ANKRD11: variants seen among roughly 807,000 people sequenced by gnomAD.
ANKRD11 encodes ankyrin repeat domain-containing protein 11.
In ANKRD11, 17 loss-of-function variants were observed where a neutral mutation model predicts 195.7. The observed-to-expected ratio is 0.09, with a 90% CI of 0.06 to 0.13. The LOEUF is 0.13. Among genes scored for constraint, ANKRD11 ranks in the 10% least tolerant of loss-of-function variants. The pLI, the probability that ANKRD11 is intolerant of heterozygous loss-of-function variation, is 1.00. For synonymous variants in ANKRD11, 1,953 were observed against 1,528.1 expected, an observed-to-expected ratio of 1.28 and a Z score of -6.49; for missense variants, 3,735 against 3,566.1, an observed-to-expected ratio of 1.05 and a Z score of -1.21.
chr16:89,452,305 A>G (rs2044113369), intron 1 of ANKRD11, among the ~76,000 whole-genome samples: 1 of 151,990 alleles, frequency 6.6e-6, no homozygotes, highest in South Asian at 2.1e-4. Context: ...CAGGAATTAC[A>G]GCCAAGTGCA....
Position 89,490,525 on chromosome 16 carries a change from C to T in ANKRD11, c.-425G>A. The T allele has an allele frequency of 1.1e-5, 5 of 471,346 alleles. No homozygotes were observed. The highest frequency in any genetic ancestry group is 3.6e-5 in the East Asian group (1 of 27,502). The allele number at this position is 471,346 out of a possible 1,614,324, so 29.2% of individuals were successfully genotyped here. The stretch of plus-strand genomic sequence containing the variant: ...GGCGGCGGCGCCTCCCCGGCTGGGG[C>T]CCTCGGTCCATCGCGCACCGTCTCA... On this transcript the variant is annotated 5_prime_UTR_variant, in exon 1 of 13. Transcript: ENST00000301030.
rs1597606750 is a variant in ANKRD11, at chr16:89,316,948, C to T, written c.72G>A (p.Lys24=). Residue 24 remains lysine, a synonymous_variant, in exon 3 of 13, where the codon AAG becomes AAA. Transcript: ENST00000301030. ...ELPLSSDMVE[K]QTGKKDKDKV... ...GCAGCATTACCTTTTTCCCAGTCTG[C>T]TTCTCCACCATGTCGCTGCTGAGGG... 3.1e-6 allele frequency: 5 copies of T among 1,613,746 alleles called. No individual in the cohort carries two copies. The highest frequency in any genetic ancestry group is 4.2e-6 in the Non-Finnish European group (5 of 1,179,894).
At chr16:89,381,527 A>G (rs2040655334) in intron 2 of ANKRD11, among the ~76,000 whole-genome samples, 1 of 152,214 alleles carries the variant, frequency 6.6e-6, no homozygotes, top group Non-Finnish European at 1.5e-5. Flanking sequence ...TAAGCATTCT[A>G]GTTTATAAAA....
At chr16:89,423,737 T>G (rs959189066) in intron 1 of ANKRD11, among the ~76,000 whole-genome samples, 4 of 152,222 alleles carry the variant, frequency 2.6e-5, no homozygotes, top group African/African-American at 9.6e-5. Flanking sequence ...AGCCCAGATG[T>G]GCTTCGATGG....
At chr16:89,339,068 G>A (rs1434632889) in intron 2 of ANKRD11, among the ~76,000 whole-genome samples, 2 of 152,192 alleles carry the variant, frequency 1.3e-5, no homozygotes, top group Non-Finnish European at 1.5e-5. Context: ...CAGGAGGACA[G>A]ACGTCCTGGG....
intron 1 of ANKRD11, among the ~76,000 whole-genome samples, chr16:89,430,362 A>G (rs1035555361): frequency 2.2e-4 from 31 of 143,600 alleles, no homozygotes; most frequent in South Asian, 1.2e-3. Context: ...CTCAACTCTC[A>G]CGCTCAGTCG....
At chr16:89,292,705 C>A (rs2151804272) in intron 4 of ANKRD11, among the ~76,000 whole-genome samples, 1 of 152,382 alleles carries the variant, frequency 6.6e-6, no homozygotes, top group Non-Finnish European at 1.5e-5. Context: ...AGCACTTGAG[C>A]TTTGGCCCCA....
In ANKRD11 at chr16:89,442,420, C is replaced by G. The variant is rs557079209; in HGVS notation, c.-144-24052G>C. 2.0e-4 allele frequency among the ~76,000 whole-genome samples: 31 copies of G among 152,324 alleles called. 1 individual carries two copies. Among genetic ancestry groups the G allele is most frequent in the African/African-American group, 7.5e-4 (31 of 41,576 alleles). On this transcript the variant is annotated intron_variant, in intron 1 of 12. Transcript: ENST00000301030. ...CACCTGTTTTGTAGAGACCAAGACT[C>G]TTCCTCCATTTTGGCTCAAGCTGGA...
In ANKRD11 at chr16:89,291,701, A is replaced by G. The variant is rs1364997267; in HGVS notation, c.227-518T>C. The G allele has an allele frequency of 1.6e-6, 2 of 1,289,522 alleles. No homozygotes were observed. The highest frequency in any genetic ancestry group is 1.5e-5 in the African/African-American group (1 of 65,822). The allele number at this position is 1,289,522 out of a possible 1,614,324, so 79.9% of individuals were successfully genotyped here. A position where few individuals can be genotyped will look rare whatever the true frequency, so the allele number is the denominator to read the frequency against. ...TGTACCTTTCTTCTTGCTTCTAGGA[A>G]CCTCCATCTCATGCCATGGTGCTTC... On this transcript the variant is annotated intron_variant, in intron 4 of 12. Coordinates refer to ENST00000301030, the MANE Select transcript of ANKRD11 (RefSeq NM_013275.6). This position sits in a 1 kb window ranked among gnomAD's most constrained non-coding sequence, Gnocchi z 5.3.
At chr16:89,278,927 G>A (rs2033909159) in intron 9 of ANKRD11, 145 bp downstream of exon 9, 5 of 1,313,106 alleles carry the variant, frequency 3.8e-6, no homozygotes, top group Non-Finnish European at 5.4e-6. Context: ...CAGCAGAAGT[G>A]GGGCTGTGTC....
At chr16:89,432,225 T>A (rs1039792687) in intron 1 of ANKRD11, among the ~76,000 whole-genome samples, 1 of 142,482 alleles carries the variant, frequency 7.0e-6, no homozygotes, top group Non-Finnish European at 1.5e-5. Flanking sequence ...ATGTTGTACA[T>A]CGTGATGCAG....
chr16:89,309,361 C>A (rs2036483031), intron 3 of ANKRD11, among the ~76,000 whole-genome samples: 1 of 152,180 alleles, frequency 6.6e-6, no homozygotes, highest in South Asian at 2.1e-4. Flanking sequence ...GAAGTCAGGG[C>A]AGAGGTGACT....
At chr16:89,386,120 A>G (rs1161778199) in intron 2 of ANKRD11, among the ~76,000 whole-genome samples, 2 of 152,250 alleles carry the variant, frequency 1.3e-5, no homozygotes, top group Non-Finnish European at 2.9e-5. Context: ...TTCGTTTTTA[A>G]GTAAAGTCAT....
intron 1 of ANKRD11, among the ~76,000 whole-genome samples, chr16:89,438,342 CAG>C (rs1178940962): frequency 6.7e-6 from 1 of 150,088 alleles, no homozygotes; most frequent in Non-Finnish European, 1.5e-5. Context: ...TTTTTCAACA[CAG>C]AGTCTCACTC....
At chr16:89,438,452 TG>T (rs923793787) in intron 1 of ANKRD11, among the ~76,000 whole-genome samples, 31 of 152,006 alleles carry the variant, frequency 2.0e-4, no homozygotes, top group Non-Finnish European at 7.4e-5. Flanking sequence ...CCCGAGTAGC[TG>T]GGACTACTGG....
rs149270539 is a variant in ANKRD11 at position 89,460,420 on chromosome 16, G to A, written c.-145+29825C>T. On this transcript the variant is annotated intron_variant, in intron 1 of 12. Coordinates refer to ENST00000301030, the MANE Select transcript of ANKRD11 (RefSeq NM_013275.6). ...TAAAAATACAAAAAATTAGCCGGGC[G>A]TGGTGCCAGGTGCCTGTAATCCCAG... 1.3e-3 allele frequency among the ~76,000 whole-genome samples: 198 copies of A among 152,144 alleles called. 1 individual carries two copies. Among genetic ancestry groups the A allele is most frequent in the Middle Eastern group, 6.8e-3 (2 of 294 alleles).
chr16:89,334,386 G>A (rs773851671), intron 2 of ANKRD11, among the ~76,000 whole-genome samples: 53 of 151,998 alleles, frequency 3.5e-4, no homozygotes, highest in Non-Finnish European at 6.2e-4. Flanking sequence ...CTCCTCTCAG[G>A]TTCTGAGTGG....
At chr16:89,484,187 C>G (rs1349924991) in intron 1 of ANKRD11, among the ~76,000 whole-genome samples, 1 of 152,166 alleles carries the variant, frequency 6.6e-6, no homozygotes, top group Non-Finnish European at 1.5e-5. Flanking sequence ...AAAACTTAAT[C>G]CTTTCAAGAG....
At position 89,410,085 on chromosome 16, in the gene ANKRD11, C is replaced by T. The variant is rs183580995; in HGVS notation, c.-60+8199G>A. Among the ~76,000 whole-genome samples the T allele has an allele frequency of 1.9e-4, 29 of 152,272 alleles. No individual in the cohort carries two copies. In the East Asian group the frequency reaches 5.6e-3, roughly 29 times the overall value. Reference sequence around the variant, plus strand: ...CGATCTCCTGACCTCGTGATCCGCCCGCCTCGGCCTCCCAAAGTGCTGGGA... The same window carrying T: ...CGATCTCCTGACCTCGTGATCCGCCTGCCTCGGCCTCCCAAAGTGCTGGGA... On this transcript the variant is annotated intron_variant, in intron 2 of 12. Coordinates refer to ENST00000301030, the MANE Select transcript of ANKRD11 (RefSeq NM_013275.6).
Sources: gnomAD v4.1 joint callset for allele counts (sites outside exome capture counted in the v4.1 genomes callset) on GRCh38, gnomAD v4.1.1 for gene constraint, Gnocchi (gnomAD v3.1) non-coding constraint, MANE v1.5 for transcripts, NCBI Gene and HGNC (gene_info 2026-07-23, HGNC 2026-07-21) for gene names.